The following RNF150 variants were observed in gnomAD, a reference collection of about 807,000 sequenced individuals.
RNF150 encodes ring finger protein 150.
A neutral mutation model predicts 39.3 loss-of-function variants in RNF150; 24 were observed. That is an observed-to-expected ratio of 0.61 (90% confidence interval 0.44 to 0.86). The LOEUF (loss-of-function observed/expected upper bound fraction) is 0.86, where lower values mean the gene tolerates loss of function less well. Ranked by LOEUF, RNF150 falls within the 40% of genes least tolerant of loss-of-function variation. The pLI is 0.00. For synonymous variants in RNF150, 255 were observed against 227.3 expected (o/e 1.12, Z -1.10); for missense variants, 502 against 587.8 (o/e 0.85, Z 1.51).
chr4:141,038,586 G>T (rs1373302277), intron 1 of RNF150, among the ~76,000 whole-genome samples: 1 of 152,108 alleles, frequency 6.6e-6, no homozygotes, highest in Non-Finnish European at 1.5e-5. Flanking sequence ...AGCTACTTGG[G>T]AGGGTGAGGT....
chr4:140,987,395 A>G lies in RNF150; in HGVS notation c.485-19522T>C, dbSNP rs117513294. 3.2e-4 allele frequency among the ~76,000 whole-genome samples: 49 copies of G among 152,212 alleles called. No individual in the cohort carries two copies. In the East Asian group the frequency reaches 9.3e-3, roughly 29 times the overall value. Reference sequence around the variant, plus strand: ...TACAAGGTTACAGTACCCAAACTGTACAAAAACTGGTACAAAAACAGAAAC... The same window carrying G: ...TACAAGGTTACAGTACCCAAACTGTGCAAAAACTGGTACAAAAACAGAAAC... On this transcript the variant is annotated intron_variant, in intron 1 of 6. Coordinates refer to ENST00000515673, the MANE Select transcript of RNF150 (RefSeq NM_020724.2).
At chr4:140,921,032 T>C (rs564721029) in intron 5 of RNF150, among the ~76,000 whole-genome samples, 61 of 151,566 alleles carry the variant, frequency 4.0e-4, no homozygotes, top group African/African-American at 1.5e-3. Context: ...CTCTGGGGAC[T>C]GTTGTGGCGT....
At chr4:141,077,181 T>C (rs189814351) in intron 1 of RNF150, among the ~76,000 whole-genome samples, 319 of 152,258 alleles carry the variant, frequency 2.1e-3, no homozygotes, top group African/African-American at 7.5e-3. Context: ...AATGAAAACA[T>C]GTTCACACAA....
chr4:141,063,273 G>GC (rs1207707219), intron 1 of RNF150, among the ~76,000 whole-genome samples: 5 of 152,210 alleles, frequency 3.3e-5, no homozygotes, highest in Non-Finnish European at 4.4e-5. Flanking sequence ...TTAAGCAGAT[G>GC]TTATCTCAAT....
intron 1 of RNF150, among the ~76,000 whole-genome samples, chr4:141,113,727 C>T (rs544494605): frequency 6.6e-6 from 1 of 152,164 alleles, no homozygotes; most frequent in Admixed American, 6.5e-5. Context: ...TTCTTCTCTG[C>T]ACCACATTGC....
At chr4:141,111,090 G>A (rs1241835289) in intron 1 of RNF150, among the ~76,000 whole-genome samples, 1 of 152,142 alleles carries the variant, frequency 6.6e-6, no homozygotes. Context: ...CCTCACAGCT[G>A]AATGATGTAC....
intron 1 of RNF150, among the ~76,000 whole-genome samples, chr4:141,020,132 G>C (rs1021269662): frequency 1.3e-5 from 2 of 150,438 alleles, no homozygotes; most frequent in Admixed American, 6.6e-5. Context: ...TTGTTTTACT[G>C]GTCAACTTCA....
intron 1 of RNF150, among the ~76,000 whole-genome samples, chr4:141,099,287 G>A (rs1057408644): frequency 2.0e-5 from 3 of 152,022 alleles, no homozygotes; most frequent in Non-Finnish European, 4.4e-5. Context: ...AGAGCTTCAG[G>A]AAAAAGGTAG....
intron 5 of RNF150, among the ~76,000 whole-genome samples, chr4:140,913,659 T>C (rs763624675): frequency 2.6e-4 from 40 of 152,208 alleles, no homozygotes; most frequent in Non-Finnish European, 5.0e-4. Context: ...TGTATGGCTA[T>C]TGTTAATGTG....
At chr4:141,018,009 C>T (rs1170441645) in intron 1 of RNF150, among the ~76,000 whole-genome samples, 1 of 151,980 alleles carries the variant, frequency 6.6e-6, no homozygotes, top group Non-Finnish European at 1.5e-5. Context: ...ACCTCACATC[C>T]CATAATAAAC....
chr4:140,975,818 G>A (rs1053635009), intron 1 of RNF150, among the ~76,000 whole-genome samples: 10 of 152,182 alleles, frequency 6.6e-5, no homozygotes, highest in Non-Finnish European at 1.5e-5. Flanking sequence ...GCTCTCTGCA[G>A]TATTACTGGC....
At chr4:141,180,410 C>A (rs748451335) in intron 1 of RNF150, among the ~76,000 whole-genome samples, 8 of 152,298 alleles carry the variant, frequency 5.3e-5, no homozygotes, top group East Asian at 1.9e-4. Context: ...TTTCATGCTA[C>A]CCCAGCTAAA....
At position 141,132,266 on chromosome 4, in the gene RNF150, C is replaced by A; in HGVS notation, c.484+59G>T. On this transcript the variant is annotated intron_variant, in intron 1 of 6. Transcript: ENST00000515673. This position sits in a 1 kb window ranked among gnomAD's most constrained non-coding sequence, Gnocchi z 4.9. Reference sequence around the variant, plus strand: ...AGGAGCCTGGAGGCAGGCGCTGGATCCCTCTAGGCACCTCCGTCCCCGCCG... The same window carrying A: ...AGGAGCCTGGAGGCAGGCGCTGGATACCTCTAGGCACCTCCGTCCCCGCCG... The A allele has an allele frequency of 6.6e-7, 1 of 1,520,070 alleles. No individual in the cohort carries two copies. Among genetic ancestry groups the A allele is most frequent in the Non-Finnish European group, 8.9e-7 (1 of 1,124,728 alleles). The allele number at this position is 1,520,070 out of a possible 1,614,324, so 94.2% of individuals were successfully genotyped here.
At chr4:141,099,271 A>T (rs1738916862) in intron 1 of RNF150, among the ~76,000 whole-genome samples, 1 of 152,162 alleles carries the variant, frequency 6.6e-6, no homozygotes, top group Non-Finnish European at 1.5e-5. Flanking sequence ...CAAGAGCAAC[A>T]CATCTAGAGC....
At chr4:141,116,117 G>T (rs1387180315) in intron 1 of RNF150, among the ~76,000 whole-genome samples, 2 of 152,134 alleles carry the variant, frequency 1.3e-5, no homozygotes, top group Non-Finnish European at 2.9e-5. Flanking sequence ...AAAAGCAATG[G>T]CAACAAAAGC....
intron 6 of RNF150, among the ~76,000 whole-genome samples, chr4:140,899,974 CTGTGTGTGTG>C (rs71852763): frequency 7.2e-5 from 5 of 69,166 alleles, no homozygotes; most frequent in African/African-American, 2.2e-4. Context: ...CTCTCTCTCT[CTGTGTGTGTG>C]TGTGTGTGTG....
intron 1 of RNF150, among the ~76,000 whole-genome samples, chr4:141,019,033 AATATAT>A (rs10527652): frequency 0.01 from 1,309 of 126,142 alleles, 11 homozygotes; most frequent in African/African-American, 0.016. Flanking sequence ...ACTGCAAAGA[AATATAT>A]ATATATATAT....
chr4:140,979,986 G>A (rs1325312258), intron 1 of RNF150, among the ~76,000 whole-genome samples: 1 of 152,096 alleles, frequency 6.6e-6, no homozygotes. Flanking sequence ...ATGCAATTGT[G>A]TTTTATTTTG....
intron 1 of RNF150, among the ~76,000 whole-genome samples, chr4:141,166,183 T>C (rs1727598960): frequency 6.6e-6 from 1 of 152,038 alleles, no homozygotes; most frequent in Admixed American, 6.5e-5. Context: ...TCTATGCAAA[T>C]AAACTAGGAA....
Sources: allele counts gnomAD v4.1 joint callset (sites outside exome capture counted in the v4.1 genomes callset), GRCh38; gene constraint gnomAD v4.1.1; non-coding constraint Gnocchi (gnomAD v3.1); transcripts MANE v1.5; gene names NCBI Gene and HGNC (gene_info 2026-07-23, HGNC 2026-07-21).